Variants in FAM120B observed in about 807,000 individuals in gnomAD.
FAM120B encodes family with sequence similarity 120 member B.
Under a neutral mutation model 96.3 loss-of-function variants are expected in FAM120B, and 83 were observed. That is an observed-to-expected ratio of 0.86 (90% CI 0.72 to 1.03). FAM120B has a LOEUF of 1.03. Among genes scored for constraint, FAM120B ranks in the 50% least tolerant of loss-of-function variants. FAM120B has a pLI of 0.00. For missense variants in FAM120B, 1,027 were observed against 1,121.2 expected (o/e 0.92, Z 1.20); for synonymous variants, 407 against 402.7 (o/e 1.01, Z -0.13).
At chr6:170,306,544 G>A (rs1784290499), upstream of FAM120B, 1 of 152,274 alleles carries the variant, frequency 6.6e-6, no homozygotes, top group African/African-American at 2.4e-5. Context: ...GCGACCCGAG[G>A]TCCGCCAGCA....
chr6:170,369,489 A>G (rs1049593744), intron 6 of FAM120B, among the ~76,000 whole-genome samples: 2 of 152,222 alleles, frequency 1.3e-5, no homozygotes, highest in Non-Finnish European at 2.9e-5. Flanking sequence ...GAAGCAAGAA[A>G]AGGTAAGAAG....
intron 1 of FAM120B, among the ~76,000 whole-genome samples, chr6:170,297,315 G>A (rs1170184407): frequency 6.6e-6 from 1 of 152,180 alleles, no homozygotes; most frequent in Non-Finnish European, 1.5e-5. Flanking sequence ...GTGCTTCCCC[G>A]CCGCCCCCGC....
At chr6:170,384,557 G>A (rs1790087579) in intron 6 of FAM120B, among the ~76,000 whole-genome samples, 1 of 152,180 alleles carries the variant, frequency 6.6e-6, no homozygotes, top group African/African-American at 2.4e-5. Flanking sequence ...AGGGACATTT[G>A]AGAAGAAAGG....
intron 1 of FAM120B, among the ~76,000 whole-genome samples, chr6:170,311,050 G>A (rs1267047137): frequency 1.3e-5 from 2 of 152,242 alleles, no homozygotes; most frequent in Non-Finnish European, 2.9e-5. Context: ...GATAGGAAGT[G>A]GCCCTGCATC....
At chr6:170,400,317 AT>A (rs1778485845) in intron 9 of FAM120B, among the ~76,000 whole-genome samples, 3 of 62,446 alleles carry the variant, frequency 4.8e-5, no homozygotes, top group Admixed American at 1.8e-4. Context: ...GAACTATGTC[AT>A]TTACAGATGT....
At chr6:170,400,937 C>G (rs115934451) in intron 9 of FAM120B, among the ~76,000 whole-genome samples, 2,767 of 152,232 alleles carry the variant, frequency 0.018, 75 homozygotes, top group African/African-American at 0.063. Flanking sequence ...TTCTTTCTTT[C>G]ATGTGACGAC....
intron 8 of FAM120B, among the ~76,000 whole-genome samples, chr6:170,391,627 TA>T (rs753674810): frequency 6.6e-5 from 10 of 152,210 alleles, no homozygotes; most frequent in African/African-American, 9.6e-5. Flanking sequence ...ATTAATTAAA[TA>T]ATGAAGAACT....
intron 1 of FAM120B, 131 bp from the exon 2 acceptor site, chr6:170,317,239 A>G: frequency 1.5e-6 from 1 of 689,566 alleles, no homozygotes; most frequent in Non-Finnish European, 2.4e-6. Context: ...CCTAACCAGC[A>G]TATCATGTTA....
intron 2 of FAM120B, among the ~76,000 whole-genome samples, chr6:170,320,667 T>TAGAG (rs1785227199): frequency 6.6e-6 from 1 of 152,186 alleles, no homozygotes; most frequent in African/African-American, 2.4e-5. Context: ...TAACACATGT[T>TAGAG]CTCGTAGTGA....
chr6:170,363,018 T>C lies in FAM120B; in HGVS notation c.2283+4700T>C, dbSNP rs373983430. 3.9e-5 allele frequency among the ~76,000 whole-genome samples: 6 copies of C among 152,200 alleles called. No homozygotes were observed. The highest frequency in any genetic ancestry group is 2.1e-4 in the South Asian group (1 of 4,822). The stretch of plus-strand genomic sequence containing the variant: ...TTATAAATGAGCTCTTGCTCTCTTT[T>C]TGGAGAAAAAGCCGAGAAATTCCTC... On this transcript the variant is annotated intron_variant, in intron 6 of 10. Transcript: ENST00000476287. This position sits in a 1 kb window ranked among gnomAD's most constrained non-coding sequence, Gnocchi z 4.5.
upstream of FAM120B, among the ~76,000 whole-genome samples, chr6:170,305,680 CAATA>C (rs1355052164): frequency 3.0e-4 from 45 of 150,130 alleles, no homozygotes; most frequent in African/African-American, 1.1e-3. Context: ...TGACATTTGT[CAATA>C]ACTTACTTTT....
intron 6 of FAM120B, among the ~76,000 whole-genome samples, chr6:170,360,441 C>G (rs997611918): frequency 2.6e-5 from 4 of 152,146 alleles, no homozygotes; most frequent in African/African-American, 7.2e-5. Context: ...CTTTTGACAC[C>G]CTGTCCGGGG....
In FAM120B at chr6:170,405,212, T is replaced by C. The variant is rs1358163654; in HGVS notation, c.*461T>C. 1 of 152,790 alleles carries C rather than the reference T, an allele frequency of 6.5e-6. No homozygotes were observed. The highest frequency in any genetic ancestry group is 1.9e-4 in the East Asian group (1 of 5,198). The allele number at this position is 152,790 out of a possible 1,614,324, so 9.5% of individuals were successfully genotyped here. A position where few individuals can be genotyped will look rare whatever the true frequency, so the allele number is the denominator to read the frequency against. On this transcript the variant is annotated 3_prime_UTR_variant, in exon 11 of 11. Coordinates refer to ENST00000476287, the MANE Select transcript of FAM120B (RefSeq NM_032448.3). Reference sequence around the variant, plus strand: ...AAGACCCTCAGTGGATGCCTGAGACTGGATAGTATGGAATCCTACATATCT... The same window carrying C: ...AAGACCCTCAGTGGATGCCTGAGACCGGATAGTATGGAATCCTACATATCT...
Position 170,363,765 on chromosome 6 carries a change from G to A in FAM120B, c.2283+5447G>A, listed in dbSNP as rs1788606526. Among the ~76,000 whole-genome samples the A allele has an allele frequency of 6.6e-6, 1 of 152,120 alleles. No individual in the cohort carries two copies. Among genetic ancestry groups the A allele is most frequent in the Non-Finnish European group, 1.5e-5 (1 of 68,034 alleles). Reference sequence around the variant, plus strand: ...CAAGAAAGCACTTATTAAACATCATGTTTTATTTTGTTTTTTTTAGACAGA... The same window carrying A: ...CAAGAAAGCACTTATTAAACATCATATTTTATTTTGTTTTTTTTAGACAGA... On this transcript the variant is annotated intron_variant, in intron 6 of 10. Transcript: ENST00000476287. This position sits in a 1 kb window ranked among gnomAD's most constrained non-coding sequence, Gnocchi z 4.5.
chr6:170,351,752 C>G (rs959761760), intron 5 of FAM120B, among the ~76,000 whole-genome samples: 1 of 152,196 alleles, frequency 6.6e-6, no homozygotes, highest in Admixed American at 6.5e-5. Context: ...GGGAATTTGT[C>G]ACCAACAGGC....
Position 170,370,843 on chromosome 6 carries a change from G to A in FAM120B, c.2283+12525G>A, listed in dbSNP as rs776637417. On this transcript the variant is annotated intron_variant, in intron 6 of 10. Coordinates refer to ENST00000476287, the MANE Select transcript of FAM120B (RefSeq NM_032448.3). The surrounding 1 kb of genome is among the most constrained non-coding windows in gnomAD (Gnocchi z 4.3). The stretch of plus-strand genomic sequence containing the variant: ...TGCTGAGGTCTCAGGATGGTTGTGC[G>A]TCTCTAACAGACGGGAGATACTGCA... 6.6e-6 allele frequency among the ~76,000 whole-genome samples: 1 copy of A among 152,118 alleles called. No individual in the cohort carries two copies. The highest frequency in any genetic ancestry group is 1.5e-5 in the Non-Finnish European group (1 of 68,024).
At chr6:170,295,281 C>G (rs764657779), upstream of FAM120B, 58 of 645,626 alleles carry the variant, frequency 9.0e-5, no homozygotes, top group Non-Finnish European at 5.7e-6. This position sits in a 1 kb window ranked among gnomAD's most constrained non-coding sequence, Gnocchi z 7.8. Flanking sequence ...TGTCCCCTGC[C>G]CAGCCACGCC....
chr6:170,360,862 C>T (rs1357211251), intron 6 of FAM120B, among the ~76,000 whole-genome samples: 1 of 152,128 alleles, frequency 6.6e-6, no homozygotes, highest in African/African-American at 2.4e-5. Context: ...AGAGTCACCA[C>T]TCAGCAGCCC....
In FAM120B at chr6:170,295,689, T is replaced by G. The variant is rs1485085234; in HGVS notation, c.48+236T>G. 2.0e-5 allele frequency among the ~76,000 whole-genome samples: 3 copies of G among 151,824 alleles called. No homozygotes were observed. The highest frequency in any genetic ancestry group is 6.5e-5 in the Admixed American group (1 of 15,276). On this transcript the variant is annotated intron_variant, in intron 1 of 10. Transcript: ENST00000537664. This position sits in a 1 kb window ranked among gnomAD's most constrained non-coding sequence, Gnocchi z 7.8. ...GAGTGACTTCCCCGGTGCGGCCGGG[T>G]CCCGGCGCCACACGCCCTTTTCCTT... is the stretch of plus-strand genomic sequence containing the variant.
Sources: allele counts gnomAD v4.1 joint callset (sites outside exome capture counted in the v4.1 genomes callset), GRCh38; gene constraint gnomAD v4.1.1; non-coding constraint Gnocchi (gnomAD v3.1); transcripts MANE v1.5; gene names NCBI Gene and HGNC (gene_info 2026-07-23, HGNC 2026-07-21).